Variants in CSMD1 observed in about 807,000 individuals in gnomAD.
The protein encoded by CSMD1 is CUB and Sushi multiple domains 1, also known as CUB and sushi domain-containing protein 1.
CSMD1 carries 213 observed loss-of-function variants against 417.5 expected under a neutral mutation model. The observed-to-expected ratio is 0.51, with a 90% CI of 0.46 to 0.57. CSMD1 has a LOEUF of 0.57. Among genes scored for constraint, CSMD1 ranks in the 20% least tolerant of loss-of-function variants. CSMD1 has a pLI of 0.00. For synonymous variants in CSMD1, 2,862 were observed against 1,736.8 expected (o/e 1.65, Z -16.11); for missense variants, 6,923 against 4,529.7 (o/e 1.53, Z -15.17).
At chr8:4,316,593 C>T (rs1798948092) in intron 3 of CSMD1, among the ~76,000 whole-genome samples, 1 of 151,938 alleles carries the variant, frequency 6.6e-6, no homozygotes, top group Admixed American at 6.6e-5. Context: ...AGTCCTAAGA[C>T]TTGGTGTAGA....
intron 3 of CSMD1, among the ~76,000 whole-genome samples, chr8:4,255,739 G>C (rs113860824): frequency 6.6e-6 from 1 of 152,142 alleles, no homozygotes; most frequent in Non-Finnish European, 1.5e-5. Flanking sequence ...TCTAAGCATA[G>C]ACTTAAACAA....
intron 9 of CSMD1, among the ~76,000 whole-genome samples, chr8:3,583,863 C>A (rs929567612): frequency 6.6e-6 from 1 of 151,698 alleles, no homozygotes; most frequent in Non-Finnish European, 1.5e-5. Flanking sequence ...TTGAGGGTTT[C>A]TTATCCATCT....
intron 7 of CSMD1, among the ~76,000 whole-genome samples, chr8:3,685,428 A>C (rs1799896575): frequency 6.6e-6 from 1 of 152,150 alleles, no homozygotes; most frequent in South Asian, 2.1e-4. Context: ...GACTGAGATC[A>C]CGATTACTGC....
intron 11 of CSMD1, among the ~76,000 whole-genome samples, chr8:3,471,493 TTTCCTTCCTTCCTTCA>T (rs1290343074): frequency 5.2e-5 from 5 of 95,430 alleles, no homozygotes; most frequent in East Asian, 2.0e-4. Flanking sequence ...TCCTTCCTTC[TTTCCTTCCTTCCTTCA>T]TTCCTTCCTT....
At chr8:4,515,974 A>G (rs987167396) in intron 2 of CSMD1, among the ~76,000 whole-genome samples, 12 of 152,152 alleles carry the variant, frequency 7.9e-5, no homozygotes, top group African/African-American at 2.9e-4. Context: ...ACTTCACCTG[A>G]CAGCTGTTAC....
chr8:3,037,290 C>CCATCTCTTGGGTT (rs1373423838), intron 50 of CSMD1, among the ~76,000 whole-genome samples: 125 of 148,042 alleles, frequency 8.4e-4, no homozygotes, highest in Non-Finnish European at 1.5e-3. Flanking sequence ...ACTGCAAGCT[C>CCATCTCTTGGGTT]CGCCTCCTGG....
At chr8:4,758,557 G>A (rs897942333) in intron 1 of CSMD1, among the ~76,000 whole-genome samples, 1 of 152,110 alleles carries the variant, frequency 6.6e-6, no homozygotes, top group Admixed American at 6.5e-5. Context: ...CAGTGTATTA[G>A]TCCATTTTCT....
chr8:3,300,915 C>T (rs999377983), intron 25 of CSMD1, among the ~76,000 whole-genome samples: 44 of 141,626 alleles, frequency 3.1e-4, no homozygotes, highest in Admixed American at 2.1e-3. Context: ...GCCAGGATTG[C>T]GCCACCGCAC....
intron 1 of CSMD1, among the ~76,000 whole-genome samples, chr8:4,659,104 T>A (rs777814623): frequency 6.6e-6 from 1 of 151,888 alleles, no homozygotes; most frequent in Non-Finnish European, 1.5e-5. Flanking sequence ...AATAACCGAT[T>A]AAAAATGTAA....
chr8:3,857,702 A>G (rs1441730208), intron 5 of CSMD1, among the ~76,000 whole-genome samples: 1 of 152,198 alleles, frequency 6.6e-6, no homozygotes, highest in East Asian at 1.9e-4. Flanking sequence ...TAATCTTCAA[A>G]TACCAGGTGT....
chr8:4,962,255 A>C (rs902689265), intron 1 of CSMD1, among the ~76,000 whole-genome samples: 8 of 151,716 alleles, frequency 5.3e-5, no homozygotes, highest in Non-Finnish European at 8.8e-5. Context: ...CTGTCACCCA[A>C]ACTGGAGTAC....
At position 2,973,264 on chromosome 8, in the gene CSMD1, G is replaced by A. The variant is rs1163507989; in HGVS notation, c.8776C>T (p.Pro2926Ser). The change falls in exon 57 of 70, where the codon CCA (proline) becomes TCA (serine). Residue 2926 changes from proline (P) to serine (S), a missense_variant. Physicochemically the swap from Pro to Ser is moderately conservative, Grantham distance 74 (BLOSUM62 -1). Transcript: ENST00000635120. ...NPGFCGDPGT[P>S]AHGSRLGDDF... Reference sequence around the variant, plus strand: ...TCACCAAGCCGAGACCCATGTGCTGGGGTCCCCGGATCACCACAGAATCCA... The same window carrying A: ...TCACCAAGCCGAGACCCATGTGCTGAGGTCCCCGGATCACCACAGAATCCA... The A allele has an allele frequency of 6.2e-7, 1 of 1,613,862 alleles. No homozygotes were observed. Among genetic ancestry groups the A allele is most frequent in the East Asian group, 2.2e-5 (1 of 44,876 alleles).
At chr8:4,247,004 C>T (rs554984661) in intron 3 of CSMD1, among the ~76,000 whole-genome samples, 3 of 152,184 alleles carry the variant, frequency 2.0e-5, no homozygotes, top group Non-Finnish European at 2.9e-5. Flanking sequence ...TTATAAAACA[C>T]TCAGCGCCCC....
intron 5 of CSMD1, among the ~76,000 whole-genome samples, chr8:3,758,651 G>A (rs546724662): frequency 2.0e-5 from 3 of 152,288 alleles, no homozygotes; most frequent in Non-Finnish European, 2.9e-5. Flanking sequence ...TAACAACTTG[G>A]TGTTTCAGTT....
intron 1 of CSMD1, among the ~76,000 whole-genome samples, chr8:4,849,544 T>C (rs2116823380): frequency 6.6e-6 from 1 of 152,320 alleles, no homozygotes; most frequent in East Asian, 1.9e-4. Flanking sequence ...GCAAACTCCA[T>C]TTATGACAAG....
chr8:4,097,943 T>C (rs1028243859), intron 3 of CSMD1, among the ~76,000 whole-genome samples: 4 of 152,208 alleles, frequency 2.6e-5, no homozygotes, highest in African/African-American at 4.8e-5. Flanking sequence ...AGTTAATTTC[T>C]GTTTGATCAT....
At position 3,359,234 on chromosome 8, in the gene CSMD1, T is replaced by C. The variant is rs754731294; in HGVS notation, c.3222A>G (p.Gly1074=). The part of the protein sequence containing the change: ...GDSLTFSCFL[G]YRLEGATKLT... ...GCTTGGTGGCACCTTCTAAACGATATCCCAGGAAGCAGGAAAACGTCAGAG... is the reference window on the plus strand; with the variant it reads ...GCTTGGTGGCACCTTCTAAACGATACCCCAGGAAGCAGGAAAACGTCAGAG... Residue 1074 remains glycine, a synonymous_variant, in exon 21 of 70, where the codon GGA becomes GGG. Coordinates refer to ENST00000635120, the MANE Select transcript of CSMD1 (RefSeq NM_033225.6). The C allele has an allele frequency of 9.3e-6, 15 of 1,613,442 alleles. No homozygotes were observed. Among genetic ancestry groups the C allele is most frequent in the Non-Finnish European group, 1.3e-5 (15 of 1,179,806 alleles).
intron 1 of CSMD1, among the ~76,000 whole-genome samples, chr8:4,675,028 C>A (rs1805587227): frequency 6.6e-6 from 1 of 152,200 alleles, no homozygotes; most frequent in Admixed American, 6.5e-5. Flanking sequence ...ACTAAACTGG[C>A]TGCACCTTAG....
At chr8:3,997,802 G>T in intron 5 of CSMD1, 101 bp downstream of exon 5, 4 of 1,040,240 alleles carry the variant, frequency 3.8e-6, no homozygotes, top group Non-Finnish European at 2.8e-6. Context: ...ACACATGCTT[G>T]CCCATGAACG....
Sources: gnomAD v4.1 joint callset for allele counts (sites outside exome capture counted in the v4.1 genomes callset) on GRCh38, gnomAD v4.1.1 for gene constraint, MANE v1.5 for transcripts, NCBI Gene and HGNC (gene_info 2026-07-23, HGNC 2026-07-21) for gene names.